Variants in PUDP observed in about 807,000 individuals in gnomAD.
PUDP encodes pseudouridine-5'-phosphatase.
A neutral mutation model predicts 9.4 loss-of-function variants in PUDP; 8 were observed. The ratio of observed to expected loss-of-function variants is 0.85; its 90% CI spans 0.50 to 1.53. The LOEUF is 1.53. Among genes scored for constraint, PUDP ranks in the 40% most tolerant of loss-of-function variants. PUDP has a pLI of 0.00. For synonymous variants in PUDP, 99 were observed against 80.7 expected (o/e 1.23, Z -1.22); for missense variants, 188 against 189.7 (o/e 0.99, Z 0.05).
intron 1 of PUDP, among the ~76,000 whole-genome samples, chrX:6,995,657 G>A (rs1364169539): frequency 9.1e-6 from 1 of 110,047 alleles, no homozygotes; most frequent in Non-Finnish European, 1.9e-5. Context: ...CTGGGAGGTG[G>A]AGGTTGCAGT....
At chrX:7,031,298 G>C (rs1602721800) in intron 1 of PUDP, among the ~76,000 whole-genome samples, 1 of 112,021 alleles carries the variant, frequency 8.9e-6, no homozygotes, top group African/African-American at 3.3e-5. Flanking sequence ...TCAAGATGGA[G>C]TTGCTCTTGT....
At chrX:6,972,235 C>T (rs1357468105) in intron 3 of PUDP, among the ~76,000 whole-genome samples, 1 of 111,772 alleles carries the variant, frequency 8.9e-6, no homozygotes, top group Non-Finnish European at 1.9e-5. Flanking sequence ...CCAGAACTTC[C>T]AATATGATGT....
At chrX:6,720,258 G>GTGTGTGTATATATA (rs1555907522) in intron 1 of PUDP, among the ~76,000 whole-genome samples, 20 of 48,797 alleles carry the variant, frequency 4.1e-4, no homozygotes, top group African/African-American at 1.8e-3. Flanking sequence ...GTGTGTGTGT[G>GTGTGTGTATATATA]TATATATATA....
At chrX:6,844,579 A>T (rs1305042332) in intron 3 of PUDP, among the ~76,000 whole-genome samples, 1 of 112,698 alleles carries the variant, frequency 8.9e-6, no homozygotes, top group African/African-American at 3.2e-5. Context: ...CTTAAAGAAC[A>T]AGTATTCTGA....
At chrX:6,804,327 G>C (rs781410004) in intron 3 of PUDP, among the ~76,000 whole-genome samples, 6 of 112,004 alleles carry the variant, frequency 5.4e-5, no homozygotes, top group Non-Finnish European at 3.8e-5. Context: ...CTAGTAGAGG[G>C]AGCACAAACC....
intron 3 of PUDP, among the ~76,000 whole-genome samples, chrX:6,844,670 G>A (rs1194215070): frequency 1.8e-5 from 2 of 112,568 alleles, no homozygotes. Context: ...ATATAGATAT[G>A]GAGATATACA....
intron 3 of PUDP, among the ~76,000 whole-genome samples, chrX:6,752,823 G>C (rs908949041): frequency 8.9e-6 from 1 of 111,808 alleles, no homozygotes; most frequent in South Asian, 3.8e-4. Flanking sequence ...TAATCATATG[G>C]TTGGTCACCT....
intron 3 of PUDP, among the ~76,000 whole-genome samples, chrX:6,874,482 C>T (rs1202336839): frequency 8.9e-6 from 1 of 112,677 alleles, no homozygotes; most frequent in Admixed American, 9.4e-5. Context: ...GAGCAGTTGT[C>T]TGCAGACAAT....
intron 2 of PUDP, among the ~76,000 whole-genome samples, chrX:7,083,496 G>C (rs1362959403): frequency 2.7e-5 from 3 of 110,886 alleles, no homozygotes; most frequent in Admixed American, 9.6e-5. Context: ...AGGAGAGGAG[G>C]GCCGACACAG....
intron 1 of PUDP, among the ~76,000 whole-genome samples, chrX:7,145,521 T>G (rs1351876539): frequency 9.0e-6 from 1 of 111,567 alleles, no homozygotes; most frequent in Admixed American, 9.6e-5. Flanking sequence ...TGAATGGCAT[T>G]TGAGAGCCAA....
At chrX:6,857,293 G>A (rs1394433025) in intron 3 of PUDP, among the ~76,000 whole-genome samples, 2 of 113,056 alleles carry the variant, frequency 1.8e-5, no homozygotes, top group Non-Finnish European at 3.7e-5. Context: ...GGAACCCCAC[G>A]GAAGCCAATA....
rs755522569 is a variant in PUDP at position 6,981,465 on chromosome X, G to A, written c.205-3122C>T. 8.1e-5 allele frequency among the ~76,000 whole-genome samples: 9 copies of A among 111,110 alleles called. No individual in the cohort carries two copies. The South Asian group carries it at 1.2e-3, about 14-fold the overall frequency. On this transcript the variant is annotated intron_variant and NMD_transcript_variant, in intron 1 of 3. Transcript: ENST00000655425. ...TTATTCCCATATTCTTGAAACAGCC[G>A]ATATAGCATTTTTAGTGCCATTGTT...
chrX:6,960,529 C>T (rs1371904910), intron 3 of PUDP, among the ~76,000 whole-genome samples: 1 of 111,951 alleles, frequency 8.9e-6, no homozygotes, highest in Non-Finnish European at 1.9e-5. Flanking sequence ...CAATCTTGGA[C>T]TTCCCGGCAT....
intron 3 of PUDP, among the ~76,000 whole-genome samples, chrX:6,727,000 A>G (rs1171627390): frequency 8.9e-6 from 1 of 112,056 alleles, no homozygotes; most frequent in African/African-American, 3.2e-5. Context: ...TGTAAATGCT[A>G]TATTCTTGAA....
chrX:6,840,102 A>C (rs908168606), intron 3 of PUDP, among the ~76,000 whole-genome samples: 3 of 111,240 alleles, frequency 2.7e-5, no homozygotes, highest in African/African-American at 9.8e-5. Flanking sequence ...TGAATCATGG[A>C]GGTGGTTCCT....
In PUDP at chrX:6,898,004, A is replaced by G. The variant is rs749679072; in HGVS notation, c.*247+79129T>C. On this transcript the variant is annotated intron_variant and NMD_transcript_variant, in intron 3 of 3. Transcript: ENST00000655425. ...AACCCTGCATGGAGAGAAGTACTTC[A>G]CGCATAGTAGGTGCTCACTCACTCT... is the stretch of plus-strand genomic sequence containing the variant. Among the ~76,000 whole-genome samples the G allele has an allele frequency of 7.4e-4, 83 of 112,574 alleles. 1 individual carries two copies. The highest frequency in any genetic ancestry group is 4.6e-3 in the Middle Eastern group (1 of 217).
In PUDP at chrX:6,857,673, G is replaced by A. The variant is rs147219020; in HGVS notation, c.*247+119460C>T. ...GCTCTTGAACTCCTGGCCTCAAGCA[G>A]TCCTCCCACCTAGGCCTCCTAAAGT... On this transcript the variant is annotated intron_variant and NMD_transcript_variant, in intron 3 of 3. Transcript: ENST00000655425. 7.4e-4 allele frequency among the ~76,000 whole-genome samples: 82 copies of A among 111,435 alleles called. No individual in the cohort carries two copies. The East Asian group carries it at 0.022, about 30-fold the overall frequency.
At chrX:7,125,357 CAT>C (rs1428805342) in intron 1 of PUDP, among the ~76,000 whole-genome samples, 2 of 111,821 alleles carry the variant, frequency 1.8e-5, no homozygotes, top group Non-Finnish European at 3.8e-5. Context: ...AATATACAAA[CAT>C]AGAGCTCTAG....
chrX:6,887,887 C>A (rs1927452943), intron 3 of PUDP, among the ~76,000 whole-genome samples: 1 of 110,784 alleles, frequency 9.0e-6, no homozygotes, highest in Non-Finnish European at 1.9e-5. Flanking sequence ...GGGAAACAGA[C>A]CCTGGAATTT....
Sources: allele counts gnomAD v4.1 joint callset (sites outside exome capture counted in the v4.1 genomes callset), GRCh38; gene constraint gnomAD v4.1.1; transcripts MANE v1.5; gene names NCBI Gene and HGNC (gene_info 2026-07-23, HGNC 2026-07-21).